The following CLIP4 variants were observed in gnomAD, a reference collection of about 807,000 sequenced individuals.
The protein encoded by CLIP4 is CAP-Gly domain-containing linker protein 4.
Under a neutral mutation model 73.1 loss-of-function variants are expected in CLIP4, and 47 were observed. The observed-to-expected ratio is 0.64, with a 90% CI of 0.51 to 0.82. CLIP4 has a LOEUF of 0.82. Among genes scored for constraint, CLIP4 ranks in the 40% least tolerant of loss-of-function variants. The probability of loss-of-function intolerance (pLI) is 0.00; values close to 1 mark genes in which losing one functional copy is unlikely to be tolerated. For missense variants in CLIP4, 874 were observed against 852.9 expected, an observed-to-expected ratio of 1.02 and a Z score of -0.31; for synonymous variants, 306 against 295.4, an observed-to-expected ratio of 1.04 and a Z score of -0.37.
chr2:29,137,619 C>A lies in CLIP4; in HGVS notation c.648+1953C>A, dbSNP rs544088291. The stretch of plus-strand genomic sequence containing the variant: ...CACATTGCTTTCCACAGGGGCTGAA[C>A]CAATTTACATTCCCACTAACAGTGT... On this transcript the variant is annotated intron_variant, in intron 6 of 15. Coordinates refer to ENST00000320081, the MANE Select transcript of CLIP4 (RefSeq NM_024692.6). Among the ~76,000 whole-genome samples, 5 of 152,236 alleles carry A rather than the reference C, an allele frequency of 3.3e-5. No individual in the cohort carries two copies. The South Asian group carries it at 1.0e-3, about 32-fold the overall frequency.
At chr2:29,128,539 A>G (rs1186802859) in intron 2 of CLIP4, among the ~76,000 whole-genome samples, 6 of 152,104 alleles carry the variant, frequency 3.9e-5, no homozygotes, top group Non-Finnish European at 8.8e-5. Flanking sequence ...AAAATACAGA[A>G]TCTTTGCTTT....
In CLIP4 at chr2:29,178,845, A is replaced by G. The variant is rs112044553; in HGVS notation, c.1797-2727A>G. On this transcript the variant is annotated intron_variant, in intron 15 of 15. Coordinates refer to ENST00000320081, the MANE Select transcript of CLIP4 (RefSeq NM_024692.6). ...AGTCTTGCTCTGTCGCCCAGGCTGGAGAGCAGTGGCACTATCTCAGCTCAC... is the reference window on the plus strand; with the variant it reads ...AGTCTTGCTCTGTCGCCCAGGCTGGGGAGCAGTGGCACTATCTCAGCTCAC... Among the ~76,000 whole-genome samples, 671 of 152,252 alleles carry G rather than the reference A, an allele frequency of 4.4e-3. 14 individuals are homozygous for G. The highest frequency in any genetic ancestry group is 1.8e-3 in the Non-Finnish European group (124 of 68,026).
chr2:29,163,908 T>A lies in CLIP4; in HGVS notation c.1612T>A (p.Cys538Ser), dbSNP rs776627598. Residue 538 changes from cysteine to serine, a missense_variant, in exon 13 of 16, where the codon TGT becomes AGT. By Grantham distance (112) the Cys-to-Ser change is moderately radical. Transcript: ENST00000320081. ...AGTTGGAGGTGTGCAGTATTTTAGC[T>A]GTTCTCCAAGATATGGAATATTTGC... ...GSVGGVQYFSCSPRYGIFAPP... is the reference protein window; with the variant it reads ...GSVGGVQYFSSSPRYGIFAPP... 1 of 1,613,504 alleles carries A rather than the reference T, an allele frequency of 6.2e-7. No individual in the cohort carries two copies. Among genetic ancestry groups the A allele is most frequent in the Admixed American group, 1.7e-5 (1 of 60,014 alleles).
At chr2:29,175,801 A>G (rs756559229) in intron 15 of CLIP4, among the ~76,000 whole-genome samples, 42 of 152,204 alleles carry the variant, frequency 2.8e-4, no homozygotes, top group Admixed American at 4.6e-4. Flanking sequence ...TTGCTCTGTC[A>G]CCCAGGCTGG....
rs962538801 is a variant in CLIP4, at chr2:29,163,682, A to G, written c.1535-149A>G. On this transcript the variant is annotated intron_variant, in intron 12 of 15. Transcript: ENST00000320081. ...TTGAATTTTCAAAGTTTACAATTTT[A>G]TAATTTGAAATCTTAATGAGTATCA... The G allele has an allele frequency of 8.7e-5, 60 of 693,218 alleles. No homozygotes were observed. In the South Asian group the frequency reaches 1.2e-3, roughly 14 times the overall value. The allele number at this position is 693,218 out of a possible 1,614,324, so 42.9% of individuals were successfully genotyped here. A position where few individuals can be genotyped will look rare whatever the true frequency, so the allele number is the denominator to read the frequency against.
intron 15 of CLIP4, chr2:29,174,769 G>A: frequency 1.5e-6 from 1 of 677,100 alleles, no homozygotes; most frequent in Non-Finnish European, 1.8e-6. Flanking sequence ...CTTAAGTAAT[G>A]AGAGATTTGA....
intron 14 of CLIP4, 110 bp downstream of exon 14, chr2:29,167,650 A>T: frequency 1.4e-6 from 1 of 698,454 alleles, no homozygotes. Flanking sequence ...CTGTATTTGT[A>T]TAGTTTTTGT....
chr2:29,180,037 T>C (rs1018192146), intron 15 of CLIP4, among the ~76,000 whole-genome samples: 3 of 152,068 alleles, frequency 2.0e-5, no homozygotes, highest in African/African-American at 7.3e-5. Flanking sequence ...GTATTAAAAA[T>C]ATAGAAAGTG....
chr2:29,158,703 G>A (rs1280284612), intron 11 of CLIP4, among the ~76,000 whole-genome samples: 1 of 152,192 alleles, frequency 6.6e-6, no homozygotes, highest in African/African-American at 2.4e-5. Context: ...AGAAAGAAGA[G>A]TGGAAATAAA....
chr2:29,111,449 C>T (rs115839395), upstream of CLIP4, among the ~76,000 whole-genome samples: 3,561 of 152,254 alleles, frequency 0.023, 116 homozygotes, highest in East Asian at 0.092. Context: ...CCCTGGGGAG[C>T]GGGTTTTAAA....
intron 6 of CLIP4, among the ~76,000 whole-genome samples, chr2:29,137,647 A>G (rs935798949): frequency 6.6e-6 from 1 of 152,166 alleles, no homozygotes; most frequent in African/African-American, 2.4e-5. Context: ...AACAGTGTAT[A>G]AATGTTCCTT....
chr2:29,172,769 A>G (rs549967217), intron 14 of CLIP4, among the ~76,000 whole-genome samples: 12 of 152,116 alleles, frequency 7.9e-5, no homozygotes, highest in African/African-American at 2.9e-4. Flanking sequence ...ACTCTAGACT[A>G]TATTTTGGAT....
chr2:29,160,445 T>A lies in CLIP4; in HGVS notation c.1512T>A (p.Phe504Leu), dbSNP rs1418385925. Residue 504 changes from phenylalanine (F) to leucine (L), a missense_variant, in exon 12 of 16, where the codon TTT becomes TTA. Transcript: ENST00000320081. ...AGAGACTGGGCACCATTAGGTTCTT[T>A]GGGACAACAAACTTCGCTCCAGGTA... Reference protein sequence around the residue: ...VGQRLGTIRFFGTTNFAPGYW... With the variant: ...VGQRLGTIRFLGTTNFAPGYW... The A allele has an allele frequency of 6.2e-7, 1 of 1,614,172 alleles. No homozygotes were observed.
chr2:29,151,823 A>G (rs1666589640), intron 8 of CLIP4, among the ~76,000 whole-genome samples: 1 of 152,134 alleles, frequency 6.6e-6, no homozygotes, highest in African/African-American at 2.4e-5. Flanking sequence ...TTCGGTATTT[A>G]TAGTCTGTAT....
At chr2:29,171,622 C>T (rs182843261) in intron 14 of CLIP4, among the ~76,000 whole-genome samples, 1 of 151,926 alleles carries the variant, frequency 6.6e-6, no homozygotes, top group African/African-American at 2.4e-5. Flanking sequence ...GGGTTCACGC[C>T]ATCCTCCTGC....
intron 1 of CLIP4, among the ~76,000 whole-genome samples, chr2:29,104,532 C>T (rs1451693348): frequency 6.6e-6 from 1 of 152,190 alleles, no homozygotes; most frequent in Non-Finnish European, 1.5e-5. Context: ...AGTGATCCAC[C>T]TGCCTCGGCC....
intron 1 of CLIP4, among the ~76,000 whole-genome samples, chr2:29,100,273 T>C (rs920704651): frequency 1.3e-5 from 2 of 152,252 alleles, no homozygotes; most frequent in African/African-American, 4.8e-5. Flanking sequence ...AATCCCCTCT[T>C]TGCCTTTTTC....
intron 12 of CLIP4, among the ~76,000 whole-genome samples, chr2:29,162,507 CTT>C (rs1306283201): frequency 2.0e-5 from 3 of 152,196 alleles, no homozygotes; most frequent in Non-Finnish European, 4.4e-5. Flanking sequence ...ATTGTTAACA[CTT>C]GTCATATGTA....
At chr2:29,131,712 G>C (rs577774323) in intron 3 of CLIP4, 75 of 253,350 alleles carry the variant, frequency 3.0e-4, no homozygotes, top group Non-Finnish European at 4.4e-4. Flanking sequence ...TTACCATCAT[G>C]TTCTATTTAC....
Sources: allele counts gnomAD v4.1 joint callset (sites outside exome capture counted in the v4.1 genomes callset), GRCh38; gene constraint gnomAD v4.1.1; transcripts MANE v1.5; gene names NCBI Gene and HGNC (gene_info 2026-07-23, HGNC 2026-07-21).